MR1: variants seen among roughly 807,000 people sequenced by gnomAD.
The protein encoded by MR1 is major histocompatibility complex, class I-related.
MR1 carries 44 observed loss-of-function variants against 37.8 expected under a neutral mutation model. The ratio of observed to expected loss-of-function variants is 1.16; its 90% CI spans 0.91 to 1.50. MR1 has a LOEUF of 1.50. Ranked by LOEUF, MR1 falls within the 40% of genes most tolerant of loss-of-function variation. The probability of loss-of-function intolerance (pLI) is 0.00; values close to 1 mark genes in which losing one functional copy is unlikely to be tolerated. For synonymous variants in MR1, 153 were observed against 155.8 expected, an observed-to-expected ratio of 0.98 and a Z score of 0.13; for missense variants, 386 against 419.1, an observed-to-expected ratio of 0.92 and a Z score of 0.69.
rs1361537477 is a variant in MR1 at position 181,056,400 on chromosome 1, T to TAAC, written c.*1137_*1138insCAA. The TAAC allele has an allele frequency of 2.7e-5, 4 of 146,564 alleles. No individual in the cohort carries two copies. Among genetic ancestry groups the TAAC allele is most frequent in the Admixed American group, 2.7e-4 (4 of 14,854 alleles). 9.1% of individuals were successfully genotyped at this position (146,564 alleles called of 1,614,324 possible). A position where few individuals can be genotyped will look rare whatever the true frequency, so the allele number is the denominator to read the frequency against. On this transcript the variant is annotated 3_prime_UTR_variant, in exon 6 of 6. Transcript: ENST00000367580. ...ATAATAATAATAATAATAATAATAA[T>TAAC]AATAACAGTATATTTGGTGTCAGGA...
intron 2 of MR1, 88 bp downstream of exon 2, chr1:181,049,400 A>C: frequency 6.9e-7 from 1 of 1,454,728 alleles, no homozygotes; most frequent in Non-Finnish European, 9.2e-7. Flanking sequence ...CGGATGCTGA[A>C]TTGCACCTGC....
At chr1:181,046,745 C>T (rs1371933091) in intron 1 of MR1, among the ~76,000 whole-genome samples, 1 of 152,164 alleles carries the variant, frequency 6.6e-6, no homozygotes. Context: ...TCTTTGGGTC[C>T]ACACTGCCTT....
chr1:181,046,692 C>G (rs1410401666), intron 1 of MR1, among the ~76,000 whole-genome samples: 1 of 152,114 alleles, frequency 6.6e-6, no homozygotes, highest in African/African-American at 2.4e-5. Context: ...ACTGTGGAAG[C>G]TTTGTTGTTT....
intron 1 of MR1, among the ~76,000 whole-genome samples, chr1:181,043,206 C>G (rs1304768061): frequency 1.3e-5 from 2 of 152,156 alleles, no homozygotes; most frequent in Non-Finnish European, 2.9e-5. Context: ...TCACCCACCA[C>G]AGGAAGGGAA....
Position 181,056,353 on chromosome 1 carries a change from A to T in MR1, c.*1088A>T, listed in dbSNP as rs1658615879. 1 of 146,224 alleles carries T rather than the reference A, an allele frequency of 6.8e-6. No homozygotes were observed. Among genetic ancestry groups the T allele is most frequent in the Non-Finnish European group, 1.5e-5 (1 of 66,336 alleles). The allele number at this position is 146,224 out of a possible 1,614,324, so 9.1% of individuals were successfully genotyped here. A position where few individuals can be genotyped will look rare whatever the true frequency, so the allele number is the denominator to read the frequency against. On this transcript the variant is annotated 3_prime_UTR_variant, in exon 6 of 6. Transcript: ENST00000367580. ...CACTCCAGCCTGGCGACAGAGTGAGACTCTATCTCAAAATAATAATAATAA... is the reference window on the plus strand; with the variant it reads ...CACTCCAGCCTGGCGACAGAGTGAGTCTCTATCTCAAAATAATAATAATAA...
At position 181,057,868 on chromosome 1, in the gene MR1, G is replaced by T; in HGVS notation, c.*2603G>T. On this transcript the variant is annotated 3_prime_UTR_variant, in exon 6 of 6. Transcript: ENST00000367580. ...TCTACCAAACATACAAAATTAGCCG[G>T]GGATGGTGGCGCATGCCTATAATCC... 1 of 152,294 alleles carries T rather than the reference G, an allele frequency of 6.6e-6. No homozygotes were observed. The allele number at this position is 152,294 out of a possible 1,614,324, so 9.4% of individuals were successfully genotyped here. A position where few individuals can be genotyped will look rare whatever the true frequency, so the allele number is the denominator to read the frequency against.
intron 1 of MR1, among the ~76,000 whole-genome samples, chr1:181,038,481 A>T (rs886622467): frequency 6.6e-6 from 1 of 152,240 alleles, no homozygotes; most frequent in Non-Finnish European, 1.5e-5. Flanking sequence ...ACTTCTTGAG[A>T]GAGCCAATAA....
intron 1 of MR1, among the ~76,000 whole-genome samples, chr1:181,039,916 A>G (rs1657471497): frequency 6.6e-6 from 1 of 152,088 alleles, no homozygotes; most frequent in African/African-American, 2.4e-5. Context: ...TCATGGATGA[A>G]GTGAAAACAC....
chr1:181,040,229 G>A (rs1657487277), intron 1 of MR1, among the ~76,000 whole-genome samples: 1 of 152,114 alleles, frequency 6.6e-6, no homozygotes, highest in Non-Finnish European at 1.5e-5. Context: ...TCATGGAAAG[G>A]GAGAGAGAGA....
At chr1:181,042,200 A>AT (rs373949499) in intron 1 of MR1, among the ~76,000 whole-genome samples, 6,216 of 134,124 alleles carry the variant, frequency 0.046, 298 homozygotes, top group African/African-American at 0.12. Context: ...ATCAAAGATA[A>AT]TTTTTTTTTT....
intron 1 of MR1, among the ~76,000 whole-genome samples, chr1:181,037,321 G>A (rs899684147): frequency 1.3e-5 from 2 of 152,142 alleles, no homozygotes; most frequent in African/African-American, 4.8e-5. Flanking sequence ...GAAAATATGG[G>A]CTTTTTCTTT....
rs560526084 is a variant in MR1, at chr1:181,050,383, G to T, written c.604+97G>T. The T allele has an allele frequency of 6.8e-4, 1,025 of 1,508,846 alleles. 10 individuals carry two copies. In the South Asian group the frequency reaches 0.012, roughly 17 times the overall value. 93.5% of individuals were successfully genotyped at this position (1,508,846 alleles called of 1,614,324 possible). ...AGGTTATATCCACTGTATCCTGAAA[G>T]CCATCTCTTTAGTTGGCCTATTGTG... On this transcript the variant is annotated intron_variant, in intron 3 of 5. Coordinates refer to ENST00000367580, the MANE Select transcript of MR1 (RefSeq NM_001385161.1).
intron 3 of MR1, 22 bp downstream of exon 3, chr1:181,050,308 C>T (rs1216294385): frequency 6.2e-7 from 1 of 1,613,828 alleles, no homozygotes. Flanking sequence ...GAGAAGGCCT[C>T]ATTCCCACAT....
chr1:181,060,925 A>T lies in MR1; in HGVS notation c.*5660A>T, dbSNP rs1658870377. 1 of 152,190 alleles carries T rather than the reference A, an allele frequency of 6.6e-6. No individual in the cohort carries two copies. The highest frequency in any genetic ancestry group is 1.5e-5 in the Non-Finnish European group (1 of 68,078). 9.4% of individuals were successfully genotyped at this position (152,190 alleles called of 1,614,324 possible). A position where few individuals can be genotyped will look rare whatever the true frequency, so the allele number is the denominator to read the frequency against. ...GGACATAAGATTTGGGGTCCCCTGG[A>T]TATAAGATTTCTGAAAACACTCAGA... On this transcript the variant is annotated 3_prime_UTR_variant, in exon 6 of 6. Coordinates refer to ENST00000367580, the MANE Select transcript of MR1 (RefSeq NM_001385161.1).
At chr1:181,052,962 G>A (rs1226924885) in intron 4 of MR1, among the ~76,000 whole-genome samples, 1 of 152,092 alleles carries the variant, frequency 6.6e-6, no homozygotes, top group Non-Finnish European at 1.5e-5. Flanking sequence ...AGCTCCTGGA[G>A]GCTGAGGCAG....
In MR1 at chr1:181,050,037, G is replaced by A; in HGVS notation, c.355G>A (p.Gly119Ser). 1 of 1,613,040 alleles carries A rather than the reference G, an allele frequency of 6.2e-7. No homozygotes were observed. Among genetic ancestry groups the A allele is most frequent in the South Asian group, 1.1e-5 (1 of 91,034 alleles). Residue 119 changes from glycine to serine, a missense_variant, in exon 3 of 6, where the codon GGC becomes AGC. Transcript: ENST00000367580. ...GTCTCACACTTACCAGAGAATGATT[G>A]GCTGTGAGCTGCTGGAGGATGGAAG... The part of the protein sequence containing the change: ...SGSHTYQRMI[G>S]CELLEDGSTT...
intron 1 of MR1, among the ~76,000 whole-genome samples, chr1:181,041,485 C>T (rs1197115113): frequency 1.3e-5 from 2 of 152,230 alleles, no homozygotes; most frequent in Admixed American, 6.5e-5. Context: ...TTTTTCTCCT[C>T]TCCACATTCT....
intron 1 of MR1, among the ~76,000 whole-genome samples, chr1:181,045,845 A>AGC (rs1657825158): frequency 6.6e-6 from 1 of 152,186 alleles, no homozygotes; most frequent in Admixed American, 6.5e-5. Context: ...GAGAGGCGCG[A>AGC]GCGGGAACCC....
rs1018384449 is a variant in MR1 at position 181,055,366 on chromosome 1, A to G, written c.*101A>G. 6 of 1,026,256 alleles carry G rather than the reference A, an allele frequency of 5.8e-6. No homozygotes were observed. The highest frequency in any genetic ancestry group is 2.4e-5 in the East Asian group (1 of 41,838). The allele number at this position is 1,026,256 out of a possible 1,614,324, so 63.6% of individuals were successfully genotyped here. A position where few individuals can be genotyped will look rare whatever the true frequency, so the allele number is the denominator to read the frequency against. ...GTGCTTGAAGGTCCTGACGACACCC[A>G]CAACATACATGAGAGTAATGGGATT... is the stretch of plus-strand genomic sequence containing the variant. On this transcript the variant is annotated 3_prime_UTR_variant, in exon 6 of 6. Transcript: ENST00000367580.
Sources: gnomAD v4.1 joint callset for allele counts (sites outside exome capture counted in the v4.1 genomes callset) on GRCh38, gnomAD v4.1.1 for gene constraint, MANE v1.5 for transcripts, NCBI Gene and HGNC (gene_info 2026-07-23, HGNC 2026-07-21) for gene names.